The following TMPRSS12 variants were observed in gnomAD, a reference collection of about 807,000 sequenced individuals.
TMPRSS12 encodes transmembrane serine protease 12, also known as transmembrane protease serine 12.
TMPRSS12 carries 25 observed loss-of-function variants against 26.0 expected under a neutral mutation model. The ratio of observed to expected loss-of-function variants is 0.96; its 90% CI spans 0.70 to 1.34. The LOEUF (loss-of-function observed/expected upper bound fraction) is 1.34. Among genes scored for constraint, TMPRSS12 ranks in the 40% most tolerant of loss-of-function variants. TMPRSS12 has a pLI of 0.00. For missense variants in TMPRSS12, 441 were observed against 440.1 expected (o/e 1.00, Z -0.02); for synonymous variants, 150 against 161.7 (o/e 0.93, Z 0.55).
At position 50,887,420 on chromosome 12, in the gene TMPRSS12, C is replaced by T. The variant is rs2139741275; in HGVS notation, c.954C>T (p.Phe318=). 1 of 1,613,918 alleles carries T rather than the reference C, an allele frequency of 6.2e-7. No homozygotes were observed. Among genetic ancestry groups the T allele is most frequent in the South Asian group, 1.1e-5 (1 of 91,084 alleles). The change falls in exon 5 of 5, where the codon TTC becomes TTT. Residue 318 remains phenylalanine, a synonymous_variant. Coordinates refer to ENST00000398458, the MANE Select transcript of TMPRSS12 (RefSeq NM_182559.3). The part of the protein sequence containing the change: ...FYQKWLTEHF[F]HASTQGILTI... ...AAAAGTGGCTGACAGAGCATTTCTT[C>T]CATGCAAGCACTCAAGGCATACTTA...
intron 2 of TMPRSS12, among the ~76,000 whole-genome samples, chr12:50,849,339 T>A (rs1937802962): frequency 1.3e-5 from 2 of 152,236 alleles, no homozygotes; most frequent in African/African-American, 4.8e-5. Flanking sequence ...TGGATCTATT[T>A]TTCTTTTCTC....
chr12:50,849,260 G>A (rs1034882868), intron 2 of TMPRSS12, among the ~76,000 whole-genome samples: 1 of 151,862 alleles, frequency 6.6e-6, no homozygotes, highest in African/African-American at 2.4e-5. Context: ...GCAGCCCACT[G>A]ATATCTACTA....
chr12:50,851,005 ACAGT>A (rs1302470573), intron 2 of TMPRSS12, among the ~76,000 whole-genome samples: 1 of 152,164 alleles, frequency 6.6e-6, no homozygotes, highest in African/African-American at 2.4e-5. Flanking sequence ...AACTTATAAC[ACAGT>A]CAAACCCTCA....
chr12:50,859,026 A>G lies in TMPRSS12; in HGVS notation c.625A>G (p.Ser209Gly), dbSNP rs1216858443. The G allele has an allele frequency of 6.3e-7, 1 of 1,599,906 alleles. No homozygotes were observed. The highest frequency in any genetic ancestry group is 2.2e-5 in the East Asian group (1 of 44,760). ...GGACGGAAACACAAAGTGTTTTATA[A>G]GTGGCTGGGGAAGAACAAAAGAAGA... ...ILDGNTKCFI[S>G]GWGRTKEEGN... The change falls in exon 3 of 5, where the codon AGT becomes GGT. Residue 209 changes from serine (S) to glycine (G), a missense_variant. Coordinates refer to ENST00000398458, the MANE Select transcript of TMPRSS12 (RefSeq NM_182559.3).
chr12:50,866,845 G>A (rs1219396149), intron 3 of TMPRSS12, among the ~76,000 whole-genome samples: 1 of 152,168 alleles, frequency 6.6e-6, no homozygotes, highest in Non-Finnish European at 1.5e-5. Context: ...CCAGAGCCTG[G>A]TAGACTTGCT....
chr12:50,857,696 G>C (rs1414630675), intron 2 of TMPRSS12, among the ~76,000 whole-genome samples: 1 of 152,032 alleles, frequency 6.6e-6, no homozygotes, highest in African/African-American at 2.4e-5. Flanking sequence ...TCGATGAGTT[G>C]CTTCTTGTTT....
At chr12:50,872,470 G>A (rs1366050238) in intron 3 of TMPRSS12, among the ~76,000 whole-genome samples, 9 of 122,976 alleles carry the variant, frequency 7.3e-5, no homozygotes, top group Admixed American at 3.0e-4. Context: ...CCGAGATTGC[G>A]CCACTGCAGT....
At chr12:50,877,413 A>C (rs1336291803) in intron 3 of TMPRSS12, among the ~76,000 whole-genome samples, 1 of 152,210 alleles carries the variant, frequency 6.6e-6, no homozygotes, top group Non-Finnish European at 1.5e-5. Flanking sequence ...ATTGGAAATC[A>C]AAAAGGGAAA....
intron 2 of TMPRSS12, among the ~76,000 whole-genome samples, chr12:50,855,643 A>T (rs1937869504): frequency 6.6e-6 from 1 of 152,242 alleles, no homozygotes; most frequent in Admixed American, 6.5e-5. Context: ...GGAAACCAGT[A>T]CGGAGATTTC....
chr12:50,887,749 CAT>C lies in TMPRSS12; in HGVS notation c.*238_*239del, dbSNP rs1938242752. 3 of 395,032 alleles carry C rather than the reference CAT, an allele frequency of 7.6e-6. No individual in the cohort carries two copies. Among genetic ancestry groups the C allele is most frequent in the African/African-American group, 2.1e-5 (1 of 48,388 alleles). 24.5% of individuals were successfully genotyped at this position (395,032 alleles called of 1,614,324 possible). On this transcript the variant is annotated 3_prime_UTR_variant, in exon 5 of 5. Coordinates refer to ENST00000398458, the MANE Select transcript of TMPRSS12 (RefSeq NM_182559.3). ...ATCATAATTCTGTATCTGGAATACT[CAT>C]AGAGTTTGTACAAAATATTCAGTTA...
intron 3 of TMPRSS12, among the ~76,000 whole-genome samples, chr12:50,873,441 A>G (rs373427051): frequency 5.3e-5 from 8 of 152,212 alleles, no homozygotes; most frequent in African/African-American, 9.6e-5. Context: ...CAAAACTATC[A>G]TTCAATAATA....
chr12:50,865,438 G>A (rs796794557), intron 3 of TMPRSS12, among the ~76,000 whole-genome samples: 14 of 152,264 alleles, frequency 9.2e-5, no homozygotes, highest in African/African-American at 3.1e-4. Context: ...TTCCTAGACT[G>A]TAGCACCGAA....
intron 4 of TMPRSS12, chr12:50,886,180 T>G (rs1173510318): frequency 1.3e-5 from 2 of 152,202 alleles, no homozygotes; most frequent in Admixed American, 6.5e-5. Context: ...TAAGCATTTT[T>G]CATATATTCT....
chr12:50,843,542 C>A (rs1937734766), intron 1 of TMPRSS12, among the ~76,000 whole-genome samples: 1 of 152,064 alleles, frequency 6.6e-6, no homozygotes, highest in African/African-American at 2.4e-5. Flanking sequence ...TCTTTAACTG[C>A]TATTTCACAC....
At chr12:50,873,168 G>A (rs1938082961) in intron 3 of TMPRSS12, among the ~76,000 whole-genome samples, 1 of 151,734 alleles carries the variant, frequency 6.6e-6, no homozygotes, top group African/African-American at 2.4e-5. Flanking sequence ...ATGATGCAAT[G>A]GACTTGGGGG....
At position 50,860,990 on chromosome 12, in the gene TMPRSS12, C is replaced by T. The variant is rs1315247697; in HGVS notation, c.652+1937C>T. On this transcript the variant is annotated intron_variant, in intron 3 of 4. Transcript: ENST00000398458. ...AACTCCTGGCCTCAAGCAATCTAGC[C>T]GCTTCGGTCTCCTGAGTAGCTGGGT... is the stretch of plus-strand genomic sequence containing the variant. 4.6e-5 allele frequency among the ~76,000 whole-genome samples: 7 copies of T among 152,128 alleles called. 1 individual carries two copies. The highest frequency in any genetic ancestry group is 3.9e-4 in the Admixed American group (6 of 15,252).
intron 3 of TMPRSS12, among the ~76,000 whole-genome samples, chr12:50,878,383 A>C (rs188637092): frequency 6.6e-6 from 1 of 151,856 alleles, no homozygotes; most frequent in Non-Finnish European, 1.5e-5. Context: ...GAATTTAAAG[A>C]CCAGCCTGCG....
rs908188600 is a variant in TMPRSS12 at position 50,843,112 on chromosome 12, A to C, written c.148A>C (p.Arg50=). 3 of 1,577,994 alleles carry C rather than the reference A, an allele frequency of 1.9e-6. No homozygotes were observed. Among genetic ancestry groups the C allele is most frequent in the Non-Finnish European group, 2.6e-6 (3 of 1,161,772 alleles). The change falls in exon 1 of 5, where the codon AGG becomes CGG. Residue 50 remains arginine (R), a synonymous_variant. Coordinates refer to ENST00000398458, the MANE Select transcript of TMPRSS12 (RefSeq NM_182559.3). ...SSQQAEAVRK[R]LRRRREGGAH... Reference sequence around the variant, plus strand: ...CCAGCAGGCTGAGGCCGTCCGCAAGAGGCTCCGGCGGCGGAGGGAGGGAGG... The same window carrying C: ...CCAGCAGGCTGAGGCCGTCCGCAAGCGGCTCCGGCGGCGGAGGGAGGGAGG...
At chr12:50,884,019 T>G (rs1019823656) in intron 3 of TMPRSS12, among the ~76,000 whole-genome samples, 1 of 152,074 alleles carries the variant, frequency 6.6e-6, no homozygotes, top group African/African-American at 2.4e-5. Flanking sequence ...ATAATATAAA[T>G]AAATAAAATT....
Sources: gnomAD v4.1 joint callset for allele counts (sites outside exome capture counted in the v4.1 genomes callset) on GRCh38, gnomAD v4.1.1 for gene constraint, MANE v1.5 for transcripts, NCBI Gene and HGNC (gene_info 2026-07-23, HGNC 2026-07-21) for gene names.